The following DET1 variants were observed in gnomAD, a reference collection of about 807,000 sequenced individuals.
DET1 encodes DET1 homolog.
In DET1, 22 loss-of-function variants were observed where a neutral mutation model predicts 43.7. That is an observed-to-expected ratio of 0.50 (90% CI 0.36 to 0.72). DET1 has a LOEUF of 0.72. Ranked by LOEUF, DET1 falls within the 30% of genes least tolerant of loss-of-function variation. DET1 has a pLI of 0.00. For synonymous variants in DET1, 315 were observed against 266.2 expected, an observed-to-expected ratio of 1.18 and a Z score of -1.79; for missense variants, 713 against 713.3, an observed-to-expected ratio of 1.00 and a Z score of 0.00.
chr15:88,515,563 A>AAAAAAAAAAAAAAAAAC (rs2056322632), intron 4 of DET1, among the ~76,000 whole-genome samples: 1 of 150,154 alleles, frequency 6.7e-6, no homozygotes, highest in Non-Finnish European at 1.5e-5. Flanking sequence ...AAAAAAAAAA[A>AAAAAAAAAAAAAAAAAC]AAAAAGACCG....
intron 1 of DET1, among the ~76,000 whole-genome samples, chr15:88,541,888 C>T (rs895843084): frequency 6.6e-6 from 1 of 152,166 alleles, no homozygotes; most frequent in Non-Finnish European, 1.5e-5. Flanking sequence ...GAGGAGACGT[C>T]CCCTGTGGGC....
rs765216295 is a variant in DET1, at chr15:88,531,282, G to A, written c.424C>T (p.Arg142Trp). 2.5e-6 allele frequency: 4 copies of A among 1,613,840 alleles called. No individual in the cohort carries two copies. The highest frequency in any genetic ancestry group is 3.4e-6 in the Non-Finnish European group (4 of 1,179,834). ...TCATCAGTGAAGAGACTACACTCCC[G>A]GTTCAGGTGCTCACCATTGGCCGCA... is the stretch of plus-strand genomic sequence containing the variant. ...NVAANGEHLN[R>W]ECSLFTDDCR... Residue 142 changes from arginine to tryptophan, a missense_variant, in exon 2 of 5, where the codon CGG (arginine) becomes TGG (tryptophan). Arg to Trp is a moderately radical substitution (Grantham distance 101, BLOSUM62 -3). Coordinates refer to ENST00000268148, the MANE Select transcript of DET1 (RefSeq NM_001144074.3). The surrounding 1 kb of genome is among the most constrained non-coding windows in gnomAD (Gnocchi z 6.2).
In DET1 at chr15:88,529,608, G is replaced by A. The variant is rs62023273; in HGVS notation, c.1083+1015C>T. 6.2e-3 allele frequency among the ~76,000 whole-genome samples: 939 copies of A among 152,344 alleles called. 1 individual carries two copies. The highest frequency in any genetic ancestry group is 0.01 in the Non-Finnish European group (685 of 68,032). ...GGTAGCTGGTGAGGTTTTAGGACAC[G>A]ATACCCTGTACAGAATCTGTTAATG... is the stretch of plus-strand genomic sequence containing the variant. On this transcript the variant is annotated intron_variant, in intron 2 of 4. Transcript: ENST00000268148.
chr15:88,545,114 G>C (rs993642085), intron 1 of DET1, among the ~76,000 whole-genome samples: 1 of 152,054 alleles, frequency 6.6e-6, no homozygotes, highest in Non-Finnish European at 1.5e-5. Context: ...CACCTACTCT[G>C]GGGGATCAAC....
chr15:88,525,302 G>A (rs1598330306), intron 3 of DET1, among the ~76,000 whole-genome samples: 4 of 152,134 alleles, frequency 2.6e-5, no homozygotes, highest in East Asian at 3.9e-4. Flanking sequence ...TTTAAAAATC[G>A]ACTTAAAAAT....
At chr15:88,512,067 C>T (rs1349732430), downstream of DET1, among the ~76,000 whole-genome samples, 2 of 152,208 alleles carry the variant, frequency 1.3e-5, no homozygotes, top group African/African-American at 4.8e-5. Context: ...TGTGATGGCT[C>T]AGCCATCCAG....
At chr15:88,514,553 T>C (rs1567057790) in intron 4 of DET1, among the ~76,000 whole-genome samples, 1 of 152,198 alleles carries the variant, frequency 6.6e-6, no homozygotes, top group East Asian at 1.9e-4. Context: ...TGCTCAGTGA[T>C]GGGGGAATAG....
At chr15:88,534,593 A>G (rs1392979561) in intron 1 of DET1, among the ~76,000 whole-genome samples, 2 of 152,206 alleles carry the variant, frequency 1.3e-5, no homozygotes, top group East Asian at 3.8e-4. Flanking sequence ...GAAGTTGTTC[A>G]TGAACTCCCA....
At chr15:88,534,029 C>T (rs114353628) in intron 1 of DET1, among the ~76,000 whole-genome samples, 48 of 152,062 alleles carry the variant, frequency 3.2e-4, no homozygotes, top group African/African-American at 1.1e-3. Context: ...AAAAACTTCT[C>T]GAGATCAATT....
Position 88,527,697 on chromosome 15 carries a change from C to T in DET1, c.1173G>A (p.Glu391=), listed in dbSNP as rs750034608. The change falls in exon 3 of 5, where the codon GAG becomes GAA. Residue 391 remains glutamate (E), a synonymous_variant. Coordinates refer to ENST00000268148, the MANE Select transcript of DET1 (RefSeq NM_001144074.3). ...CATTACGAAAAAGGTCACAGAAGTTCTCAAAGAGCTCCAAAAGCTCATCTG... is the reference window on the plus strand; with the variant it reads ...CATTACGAAAAAGGTCACAGAAGTTTTCAAAGAGCTCCAAAAGCTCATCTG... The part of the protein sequence containing the change: ...NTSDELLELF[E]NFCDLFRNAT... 5.0e-6 allele frequency: 8 copies of T among 1,613,752 alleles called. No individual in the cohort carries two copies. The African/African-American group carries it at 1.1e-4, about 22-fold the overall frequency.
At chr15:88,518,661 C>A (rs1259580441) in intron 3 of DET1, among the ~76,000 whole-genome samples, 1 of 152,118 alleles carries the variant, frequency 6.6e-6, no homozygotes, top group African/African-American at 2.4e-5. Context: ...CCTCTATATT[C>A]AAGCATATCA....
rs116159514 is a variant in DET1 at position 88,513,621 on chromosome 15, A to T, written c.1464-481T>A. On this transcript the variant is annotated intron_variant, in intron 4 of 4. Transcript: ENST00000268148. ...TATAATCAATATCAAACTATTAGTG[A>T]GTTTTTTTTTTTTTTTTTTTGGAAA... 8.6e-3 allele frequency among the ~76,000 whole-genome samples: 1,159 copies of T among 135,534 alleles called. 24 individuals carry two copies. Among genetic ancestry groups the T allele is most frequent in the African/African-American group, 0.03 (1,088 of 36,510 alleles). 88.9% of individuals were successfully genotyped at this position (135,534 alleles called of 152,430 possible). A position where few individuals can be genotyped will look rare whatever the true frequency, so the allele number is the denominator to read the frequency against.
downstream of DET1, among the ~76,000 whole-genome samples, chr15:88,511,015 G>A (rs561567014): frequency 1.6e-4 from 25 of 152,058 alleles, no homozygotes; most frequent in South Asian, 8.3e-4. Flanking sequence ...CTCGTGATCC[G>A]CCCGCCTCAG....
intron 3 of DET1, among the ~76,000 whole-genome samples, chr15:88,524,488 T>C (rs1007990256): frequency 2.0e-5 from 3 of 152,232 alleles, no homozygotes; most frequent in Non-Finnish European, 4.4e-5. Flanking sequence ...GAATGGGCCA[T>C]GATGACGATG....
intron 2 of DET1, among the ~76,000 whole-genome samples, chr15:88,528,387 T>A (rs958616198): frequency 9.2e-5 from 14 of 152,204 alleles, no homozygotes; most frequent in African/African-American, 3.4e-4. Context: ...CCTGGCAAGT[T>A]GTATACAAGC....
Position 88,527,724 on chromosome 15 carries a change from T to C in DET1, c.1146A>G (p.Thr382=), listed in dbSNP as rs754512832. Residue 382 remains threonine (T), a synonymous_variant, in exon 3 of 5, where the codon ACA becomes ACG. Coordinates refer to ENST00000268148, the MANE Select transcript of DET1 (RefSeq NM_001144074.3). ...CAAAGAGCTCCAAAAGCTCATCTGA[T>C]GTATTCTCAAACACAGCAATCACCT... ...TTEVIAVFEN[T]SDELLELFEN... is the part of the protein sequence containing the mutation. The C allele has an allele frequency of 6.2e-7, 1 of 1,613,858 alleles. No individual in the cohort carries two copies. The highest frequency in any genetic ancestry group is 2.2e-5 in the East Asian group (1 of 44,884).
At chr15:88,540,031 T>C (rs1471185869) in intron 1 of DET1, among the ~76,000 whole-genome samples, 2 of 152,194 alleles carry the variant, frequency 1.3e-5, no homozygotes, top group Non-Finnish European at 1.5e-5. Context: ...ATCTTAAAAA[T>C]GACCTGAGTG....
chr15:88,509,166 T>A (rs890486639), downstream of DET1, among the ~76,000 whole-genome samples: 2 of 152,200 alleles, frequency 1.3e-5, no homozygotes, highest in Non-Finnish European at 2.9e-5. Flanking sequence ...AGGAGTTTTT[T>A]AATGTGTTTT....
At chr15:88,538,622 C>G (rs2057013260) in intron 1 of DET1, among the ~76,000 whole-genome samples, 1 of 152,156 alleles carries the variant, frequency 6.6e-6, no homozygotes, top group South Asian at 2.1e-4. Context: ...GGCGTTTTCT[C>G]TAACACCCCG....
Sources: gnomAD v4.1 joint callset for allele counts (sites outside exome capture counted in the v4.1 genomes callset) on GRCh38, gnomAD v4.1.1 for gene constraint, Gnocchi (gnomAD v3.1) non-coding constraint, MANE v1.5 for transcripts, NCBI Gene and HGNC (gene_info 2026-07-23, HGNC 2026-07-21) for gene names.